ITGAE: variants seen among roughly 807,000 people sequenced by gnomAD.
The protein encoded by ITGAE is integrin alpha-E.
In ITGAE, 99 loss-of-function variants were observed where a neutral mutation model predicts 136.5. The observed-to-expected ratio is 0.73, with a 90% CI of 0.62 to 0.86. The LOEUF (loss-of-function observed/expected upper bound fraction) is 0.86, where lower values mean the gene tolerates loss of function less well. Among genes scored for constraint, ITGAE ranks in the 40% least tolerant of loss-of-function variants. The pLI is 0.00. For synonymous variants in ITGAE, 613 were observed against 591.8 expected (o/e 1.04, Z -0.52); for missense variants, 1,447 against 1,515.3 (o/e 0.95, Z 0.75).
intron 1 of ITGAE, among the ~76,000 whole-genome samples, chr17:3,793,638 C>T (rs1289169547): frequency 1.3e-5 from 2 of 152,192 alleles, no homozygotes; most frequent in African/African-American, 2.4e-5. Context: ...CAGCACCTAC[C>T]GAGTGTAGGC....
At chr17:3,784,673 G>A (rs1048335856) in intron 1 of ITGAE, among the ~76,000 whole-genome samples, 15 of 152,122 alleles carry the variant, frequency 9.9e-5, no homozygotes, top group African/African-American at 3.6e-4. Flanking sequence ...GATTACAGGC[G>A]TGAGCCACCG....
chr17:3,725,639 T>C, intron 26 of ITGAE: 1 of 1,606,338 alleles, frequency 6.2e-7, no homozygotes, highest in South Asian at 1.1e-5. Context: ...TCCAGGGATC[T>C]TACCCTCCCT....
At position 3,739,834 on chromosome 17, in the gene ITGAE, T is replaced by C; in HGVS notation, c.2493A>G (p.Ala831=). The change falls in exon 20 of 31, where the codon GCA becomes GCG. Residue 831 remains alanine (A), a synonymous_variant. Transcript: ENST00000263087. ...KACKNKLFCV[A]ELQLATTVSQ... ...AGACGGTGGTGGCCAACTGTAATTC[T>C]GCGACACAAAACAGCTTATTCTTGC... is the stretch of plus-strand genomic sequence containing the variant. 6.2e-7 allele frequency: 1 copy of C among 1,614,208 alleles called. No homozygotes were observed. The highest frequency in any genetic ancestry group is 1.6e-4 in the Middle Eastern group (1 of 6,062).
intron 2 of ITGAE, among the ~76,000 whole-genome samples, chr17:3,771,956 C>T (rs989118330): frequency 4.6e-5 from 7 of 152,122 alleles, no homozygotes; most frequent in Non-Finnish European, 1.0e-4. Flanking sequence ...CCACCCCTCC[C>T]GGCTTCAGAC....
chr17:3,780,102 T>C (rs1439683493), intron 1 of ITGAE, among the ~76,000 whole-genome samples: 1 of 151,992 alleles, frequency 6.6e-6, no homozygotes, highest in Admixed American at 6.6e-5. Flanking sequence ...GCCTCCCGAG[T>C]AGCTGGGATT....
chr17:3,792,663 C>T (rs1194941264), intron 1 of ITGAE, among the ~76,000 whole-genome samples: 1 of 152,226 alleles, frequency 6.6e-6, no homozygotes, highest in African/African-American at 2.4e-5. Context: ...CCACTGTTGG[C>T]TCTGAACACA....
In ITGAE at chr17:3,755,192, T is replaced by G; in HGVS notation, c.1309A>C (p.Ser437Arg). The G allele has an allele frequency of 6.5e-7, 1 of 1,549,152 alleles. No homozygotes were observed. Among genetic ancestry groups the G allele is most frequent in the Non-Finnish European group, 8.7e-7 (1 of 1,146,880 alleles). The change falls in exon 12 of 31, where the codon AGC becomes CGC. Residue 437 changes from serine to arginine, a missense_variant. By Grantham distance (110) the Ser-to-Arg change is moderately radical (BLOSUM62 -1). Transcript: ENST00000263087. ...SGGALLYDTRSRRGRFLNQTA... is the reference protein window; with the variant it reads ...SGGALLYDTRRRRGRFLNQTA... The stretch of plus-strand genomic sequence containing the variant: ...TGGTTCAGGAAGCGGCCCCGGCGGC[T>G]GCGTGTGTCGTAGAGCAACGCCCCT...
intron 1 of ITGAE, among the ~76,000 whole-genome samples, chr17:3,780,566 G>A (rs2052644903): frequency 6.6e-6 from 1 of 152,168 alleles, no homozygotes; most frequent in East Asian, 1.9e-4. Context: ...CCAAAGTGCT[G>A]GGATTACAGG....
chr17:3,762,810 T>C (rs1053559946), intron 3 of ITGAE, among the ~76,000 whole-genome samples: 4 of 151,794 alleles, frequency 2.6e-5, no homozygotes, highest in Non-Finnish European at 5.9e-5. Context: ...CCGTGTTAGC[T>C]AGGATGGTCT....
chr17:3,743,682 G>C, intron 18 of ITGAE, 65 bp from the exon 19 acceptor site: 1 of 938,674 alleles, frequency 1.1e-6, no homozygotes, highest in Middle Eastern at 2.5e-4. Flanking sequence ...CAACAATAAT[G>C]CTTTTTTTCT....
chr17:3,774,153 C>G (rs75294081), intron 2 of ITGAE, among the ~76,000 whole-genome samples: 14,124 of 151,998 alleles, frequency 0.093, 704 homozygotes, highest in East Asian at 0.17. Flanking sequence ...GCCAGGAACC[C>G]TGGCTCCTCA....
chr17:3,732,855 C>T (rs1276488127), intron 21 of ITGAE, among the ~76,000 whole-genome samples: 1 of 152,192 alleles, frequency 6.6e-6, no homozygotes, highest in Non-Finnish European at 1.5e-5. Context: ...CCAGCACTGC[C>T]ACGTAGCCAC....
intron 29 of ITGAE, 29 bp downstream of exon 29, chr17:3,720,278 G>GCACTACTCAGAAGC: frequency 9.2e-7 from 1 of 1,083,672 alleles, no homozygotes. Flanking sequence ...TTTTCCTTGG[G>GCACTACTCAGAAGC]CACTACTCAG....
chr17:3,744,446 C>CTT (rs34809324), intron 18 of ITGAE, among the ~76,000 whole-genome samples: 4 of 128,268 alleles, frequency 3.1e-5, no homozygotes, highest in Non-Finnish European at 3.3e-5. Context: ...AGTTCTTTCT[C>CTT]TTTTTTTTTT....
chr17:3,725,558 G>A (rs772337704), intron 26 of ITGAE: 120 of 1,614,112 alleles, frequency 7.4e-5, no homozygotes, highest in Non-Finnish European at 1.0e-4. Context: ...TCTCCAAAGA[G>A]TTGAGCCTCT....
intron 21 of ITGAE, among the ~76,000 whole-genome samples, chr17:3,733,948 C>T (rs2051402540): frequency 6.6e-6 from 1 of 152,260 alleles, no homozygotes; most frequent in Non-Finnish European, 1.5e-5. Flanking sequence ...GACACTGTAT[C>T]TGAAGCTCTC....
chr17:3,792,415 C>A (rs191489251), intron 1 of ITGAE, among the ~76,000 whole-genome samples: 1 of 152,326 alleles, frequency 6.6e-6, no homozygotes, highest in African/African-American at 2.4e-5. Flanking sequence ...CCGCGCCCGG[C>A]CTGATATCTA....
chr17:3,731,856 T>C (rs2051350958), intron 22 of ITGAE, among the ~76,000 whole-genome samples: 1 of 151,290 alleles, frequency 6.6e-6, no homozygotes, highest in Non-Finnish European at 1.5e-5. Flanking sequence ...GTGGATCACT[T>C]GAGGACAGGA....
At chr17:3,797,227 G>A (rs372765188) in intron 1 of ITGAE, among the ~76,000 whole-genome samples, 6 of 140,760 alleles carry the variant, frequency 4.3e-5, no homozygotes, top group East Asian at 4.4e-4. Flanking sequence ...GTGCAGTGGC[G>A]CAATCTCGGC....
Sources: gnomAD v4.1 joint callset for allele counts (sites outside exome capture counted in the v4.1 genomes callset) on GRCh38, gnomAD v4.1.1 for gene constraint, MANE v1.5 for transcripts, NCBI Gene and HGNC (gene_info 2026-07-23, HGNC 2026-07-21) for gene names.